LINGO2: variants seen among roughly 807,000 people sequenced by gnomAD.
The protein encoded by LINGO2 is leucine rich repeat and Ig domain containing 2.
LINGO2 carries 14 observed loss-of-function variants against 30.6 expected under a neutral mutation model. The observed-to-expected ratio is 0.46, with a 90% CI of 0.30 to 0.72. The LOEUF is 0.72. Ranked by LOEUF, LINGO2 falls within the 30% of genes least tolerant of loss-of-function variation. The pLI is 0.07. For synonymous variants in LINGO2, 317 were observed against 288.5 expected (o/e 1.10, Z -1.00); for missense variants, 729 against 751.7 (o/e 0.97, Z 0.35).
intron 1 of LINGO2, among the ~76,000 whole-genome samples, chr9:28,496,948 G>T (rs1819655844): frequency 6.6e-6 from 1 of 152,092 alleles, no homozygotes; most frequent in South Asian, 2.1e-4. Flanking sequence ...GAAATTCTGG[G>T]TTGAAAATTC....
intron 5 of LINGO2, among the ~76,000 whole-genome samples, chr9:27,988,421 CCA>C (rs1477036437): frequency 2.6e-5 from 4 of 152,068 alleles, no homozygotes; most frequent in African/African-American, 9.7e-5. Flanking sequence ...TGAGGAATCA[CCA>C]CACTGTCTTC....
intron 4 of LINGO2, among the ~76,000 whole-genome samples, chr9:28,090,112 A>G (rs981461610): frequency 1.4e-4 from 21 of 152,208 alleles, no homozygotes; most frequent in Non-Finnish European, 7.3e-5. Context: ...AGATGCATTC[A>G]CAGCCAAATT....
chr9:28,558,206 T>A (rs1355464240), intron 1 of LINGO2, among the ~76,000 whole-genome samples: 1 of 151,894 alleles, frequency 6.6e-6, no homozygotes, highest in Non-Finnish European at 1.5e-5. Context: ...AACCCATTTT[T>A]CACTATGATC....
chr9:29,132,498 A>G, the LINGO2 span, among the ~76,000 whole-genome samples: 1 of 152,146 alleles, frequency 6.6e-6, no homozygotes, highest in Non-Finnish European at 1.5e-5. Flanking sequence ...ACAGGTCACT[A>G]TTTATTTACA....
intron 1 of LINGO2, among the ~76,000 whole-genome samples, chr9:28,588,739 C>T (rs1824706039): frequency 6.6e-6 from 1 of 151,984 alleles, no homozygotes. Flanking sequence ...TTTATAGTTC[C>T]TTAAATCCTG....
exon 6 of LINGO2, chr9:27,949,463 A>G: frequency 6.2e-7 from 1 of 1,614,120 alleles, no homozygotes; most frequent in Non-Finnish European, 8.5e-7. Flanking sequence ...AGGTAAAGTA[A>G]AAAGAAAGGG....
the LINGO2 span, among the ~76,000 whole-genome samples, chr9:28,960,394 G>T: frequency 5.3e-5 from 8 of 151,734 alleles, 1 homozygote; most frequent in Admixed American, 2.6e-4. Context: ...CAGCTACTGA[G>T]GAGGCTGAGG....
At chr9:28,405,422 C>A (rs777539401) in intron 2 of LINGO2, among the ~76,000 whole-genome samples, 1 of 152,050 alleles carries the variant, frequency 6.6e-6, no homozygotes, top group African/African-American at 2.4e-5. Context: ...CTGGGCCCAT[C>A]GCCTCTAGTT....
chr9:28,638,700 C>A lies in LINGO2; in HGVS notation c.-365+31500G>T, dbSNP rs142722517. On this transcript the variant is annotated intron_variant, in intron 1 of 5. Coordinates refer to ENST00000379992, the Ensembl canonical transcript of LINGO2. ...TCATTTCTTATTGCATCTATTTGAT[C>A]CTTCACTCTTTTCTTCTTTATTAGT... is the stretch of plus-strand genomic sequence containing the variant. 2.8e-3 allele frequency among the ~76,000 whole-genome samples: 418 copies of A among 151,664 alleles called. 3 individuals are homozygous for A. Among genetic ancestry groups the A allele is most frequent in the African/African-American group, 9.6e-3 (399 of 41,390 alleles).
intron 2 of LINGO2, among the ~76,000 whole-genome samples, chr9:28,460,016 T>C (rs75299802): frequency 0.02 from 3,023 of 152,246 alleles, 95 homozygotes; most frequent in African/African-American, 0.069. Context: ...ATATATTTAT[T>C]CTTGTGTGTC....
At chr9:28,682,269 A>G in the LINGO2 span, among the ~76,000 whole-genome samples, 1 of 152,192 alleles carries the variant, frequency 6.6e-6, no homozygotes, top group African/African-American at 2.4e-5. Flanking sequence ...GCAGATGGAA[A>G]AAAGCTCATG....
the LINGO2 span, among the ~76,000 whole-genome samples, chr9:29,020,177 A>G: frequency 1.3e-5 from 2 of 152,048 alleles, no homozygotes; most frequent in Non-Finnish European, 2.9e-5. Context: ...TGATTTAGAC[A>G]TTCATCTTCT....
In LINGO2 at chr9:28,450,276, T is replaced by C. The variant is rs186076487; in HGVS notation, c.-279+25664A>G. ...AAGACCCATCAAACAGATAGGGTAT[T>C]GGGTCCCGTCAATCTGCCTACTCAC... On this transcript the variant is annotated intron_variant, in intron 2 of 5. Coordinates refer to ENST00000379992, the Ensembl canonical transcript of LINGO2. Among the ~76,000 whole-genome samples, 79 of 152,172 alleles carry C rather than the reference T, an allele frequency of 5.2e-4. 1 individual carries two copies. Among genetic ancestry groups the C allele is most frequent in the Admixed American group, 5.0e-3 (76 of 15,272 alleles).
rs570690428 is a variant in LINGO2 at position 27,959,820 on chromosome 9, C to T, written c.-35-9114G>A. Among the ~76,000 whole-genome samples, 8 of 152,166 alleles carry T rather than the reference C, an allele frequency of 5.3e-5. No individual in the cohort carries two copies. In the East Asian group the frequency reaches 1.5e-3, roughly 29 times the overall value. ...ATGTGTTGTTCAGCTCTTCTAAATC[C>T]TTATGAATTTTTTCTAAGTTATGTT... On this transcript the variant is annotated intron_variant, in intron 5 of 5. Transcript: ENST00000379992.
intron 2 of LINGO2, among the ~76,000 whole-genome samples, chr9:28,377,768 G>T (rs535023490): frequency 6.6e-6 from 1 of 152,174 alleles, no homozygotes; most frequent in African/African-American, 2.4e-5. Context: ...CTCTATTTCA[G>T]AAAACTTAAA....
chr9:29,191,531 G>A, the LINGO2 span, among the ~76,000 whole-genome samples: 1 of 151,528 alleles, frequency 6.6e-6, no homozygotes, highest in Non-Finnish European at 1.5e-5. Context: ...ACTTAGTTTT[G>A]TTGATCTGGG....
At chr9:28,694,576 C>G in the LINGO2 span, among the ~76,000 whole-genome samples, 13 of 152,000 alleles carry the variant, frequency 8.6e-5, no homozygotes, top group Admixed American at 1.3e-4. Context: ...CCTATCCTCA[C>G]AGCAACCCTA....
At chr9:29,081,270 G>C in the LINGO2 span, among the ~76,000 whole-genome samples, 1 of 152,072 alleles carries the variant, frequency 6.6e-6, no homozygotes, top group Non-Finnish European at 1.5e-5. Flanking sequence ...TGCAAGGCTG[G>C]TTCAACATAC....
the LINGO2 span, among the ~76,000 whole-genome samples, chr9:29,026,888 A>G: frequency 7.2e-5 from 11 of 152,312 alleles, no homozygotes; most frequent in African/African-American, 2.6e-4. Flanking sequence ...TTGCCAGTCC[A>G]TATATCTGAA....
Sources: allele counts gnomAD v4.1 joint callset (sites outside exome capture counted in the v4.1 genomes callset), GRCh38; gene constraint gnomAD v4.1.1; transcripts MANE v1.5; gene names NCBI Gene and HGNC (gene_info 2026-07-23, HGNC 2026-07-21).